The following SGCZ variants were observed in gnomAD, a reference collection of about 807,000 sequenced individuals.
The protein encoded by SGCZ is sarcoglycan zeta, also known as zeta-sarcoglycan.
In SGCZ, 40 loss-of-function variants were observed where a neutral mutation model predicts 41.3. The observed-to-expected ratio is 0.97, with a 90% CI of 0.75 to 1.26. The LOEUF (loss-of-function observed/expected upper bound fraction) is 1.26, where lower values mean the gene tolerates loss of function less well. Among genes scored for constraint, SGCZ ranks in the 50% most tolerant of loss-of-function variants. The pLI is 0.00. For synonymous variants in SGCZ, 206 were observed against 137.5 expected (o/e 1.50, Z -3.49); for missense variants, 552 against 369.8 (o/e 1.49, Z -4.04).
chr8:14,653,740 G>A (rs545296490), intron 1 of SGCZ, among the ~76,000 whole-genome samples: 89 of 151,996 alleles, frequency 5.9e-4, no homozygotes, highest in African/African-American at 2.0e-3. Flanking sequence ...GTTTTCAAAC[G>A]CAATGCCATT....
intron 1 of SGCZ, among the ~76,000 whole-genome samples, chr8:14,713,334 T>C (rs35730989): frequency 0.35 from 53,750 of 152,014 alleles, 11,110 homozygotes; most frequent in African/African-American, 0.57. Context: ...AGTACAATGT[T>C]ACAGTGTTAC....
intron 1 of SGCZ, among the ~76,000 whole-genome samples, chr8:14,556,114 C>A (rs1174670026): frequency 6.6e-6 from 1 of 151,662 alleles, no homozygotes; most frequent in Non-Finnish European, 1.5e-5. Flanking sequence ...AAGAGTAAAA[C>A]AATATGAATA....
At chr8:15,085,411 C>G (rs1229117249) in intron 1 of SGCZ, among the ~76,000 whole-genome samples, 1 of 152,124 alleles carries the variant, frequency 6.6e-6, no homozygotes, top group Non-Finnish European at 1.5e-5. Context: ...CTGCAGTACA[C>G]GATGGGTCCA....
intron 3 of SGCZ, among the ~76,000 whole-genome samples, chr8:14,306,107 A>G (rs964460383): frequency 1.3e-5 from 2 of 152,240 alleles, no homozygotes; most frequent in Admixed American, 6.5e-5. Context: ...GTTTTGGGCA[A>G]AGGTTTTTTG....
intron 1 of SGCZ, among the ~76,000 whole-genome samples, chr8:14,844,129 T>C (rs745664104): frequency 3.9e-5 from 6 of 152,044 alleles, no homozygotes; most frequent in African/African-American, 1.2e-4. Flanking sequence ...TGTACCAAAA[T>C]TCACAAACAC....
intron 4 of SGCZ, among the ~76,000 whole-genome samples, chr8:14,192,247 T>C (rs935160460): frequency 6.6e-6 from 1 of 152,020 alleles, no homozygotes; most frequent in African/African-American, 2.4e-5. Context: ...TACCAAATTT[T>C]TGCATTTGAA....
chr8:15,179,773 T>C (rs1323548015), intron 1 of SGCZ, among the ~76,000 whole-genome samples: 1 of 152,106 alleles, frequency 6.6e-6, no homozygotes, highest in South Asian at 2.1e-4. Flanking sequence ...CATTAGGAAA[T>C]AGAGGCAAAA....
intron 2 of SGCZ, among the ~76,000 whole-genome samples, chr8:14,331,758 A>G (rs1375890891): frequency 1.3e-5 from 2 of 151,846 alleles, no homozygotes; most frequent in African/African-American, 2.4e-5. Flanking sequence ...AGTTTTTAAT[A>G]TACTTTTGTA....
intron 1 of SGCZ, among the ~76,000 whole-genome samples, chr8:14,757,853 A>AAAATGGAAACTACAATTGCATAAGC (rs1227503472): frequency 4.6e-5 from 7 of 152,240 alleles, no homozygotes; most frequent in Non-Finnish European, 8.8e-5. Context: ...TGGTAACTAT[A>AAAATGGAAACTACAATTGCATAAGC]AAATGGAAAC....
rs548197091 is a variant in SGCZ, at chr8:14,755,399, C to A, written c.40-200473G>T. On this transcript the variant is annotated intron_variant, in intron 1 of 7. Transcript: ENST00000382080. ...TAAATCCAAATGAACAATTAAGGAG[C>A]TCTACTAATGGGCTTTTTTAAGTGT... is the stretch of plus-strand genomic sequence containing the variant. 2.0e-5 allele frequency among the ~76,000 whole-genome samples: 3 copies of A among 148,216 alleles called. No individual in the cohort carries two copies. In the South Asian group the frequency reaches 6.6e-4, roughly 33 times the overall value.
chr8:15,137,571 C>G (rs1228383820), intron 1 of SGCZ, among the ~76,000 whole-genome samples: 2 of 152,128 alleles, frequency 1.3e-5, no homozygotes, highest in Non-Finnish European at 2.9e-5. Context: ...GACTTCATAC[C>G]CTGTGTCCCA....
At chr8:14,457,690 G>A (rs184622604) in intron 2 of SGCZ, among the ~76,000 whole-genome samples, 2 of 152,334 alleles carry the variant, frequency 1.3e-5, no homozygotes, top group Admixed American at 6.5e-5. Flanking sequence ...GGGGTAAGCT[G>A]TCTTTCTCTT....
chr8:14,534,868 C>G (rs1408953787), intron 2 of SGCZ, among the ~76,000 whole-genome samples: 1 of 151,948 alleles, frequency 6.6e-6, no homozygotes, highest in Non-Finnish European at 1.5e-5. Flanking sequence ...ACTGTACCAT[C>G]TGATGAATAA....
intron 1 of SGCZ, among the ~76,000 whole-genome samples, chr8:14,638,766 A>C (rs1161634592): frequency 6.6e-6 from 1 of 151,802 alleles, no homozygotes; most frequent in African/African-American, 2.4e-5. Flanking sequence ...AGAGATTGTA[A>C]TGGTTAGCTA....
intron 1 of SGCZ, among the ~76,000 whole-genome samples, chr8:15,000,478 C>A (rs1362971567): frequency 6.6e-6 from 1 of 152,134 alleles, no homozygotes; most frequent in African/African-American, 2.4e-5. Flanking sequence ...AAGTTATTTT[C>A]TAACAAAGAG....
At chr8:14,811,429 CACAAAA>C (rs1212837279) in intron 1 of SGCZ, among the ~76,000 whole-genome samples, 1 of 147,436 alleles carries the variant, frequency 6.8e-6, no homozygotes, top group Non-Finnish European at 1.5e-5. Flanking sequence ...AATAAAACAG[CACAAAA>C]ACAAAAACAA....
chr8:14,599,110 T>C (rs1170167784), intron 1 of SGCZ, among the ~76,000 whole-genome samples: 1 of 152,192 alleles, frequency 6.6e-6, no homozygotes, highest in Non-Finnish European at 1.5e-5. Context: ...AACTGTTTCA[T>C]CAACAACATC....
At chr8:15,043,668 AG>A (rs2130981971) in intron 1 of SGCZ, among the ~76,000 whole-genome samples, 1 of 152,276 alleles carries the variant, frequency 6.6e-6, no homozygotes, top group South Asian at 2.1e-4. Flanking sequence ...TTGTTAAAAA[AG>A]TAATTTCTTA....
chr8:15,124,039 G>T (rs934686695), intron 1 of SGCZ, among the ~76,000 whole-genome samples: 2 of 152,142 alleles, frequency 1.3e-5, no homozygotes, highest in Non-Finnish European at 2.9e-5. Context: ...TACAATTTAT[G>T]CTTGGTAATC....
Sources: allele counts gnomAD v4.1 joint callset (sites outside exome capture counted in the v4.1 genomes callset), GRCh38; gene constraint gnomAD v4.1.1; transcripts MANE v1.5; gene names NCBI Gene and HGNC (gene_info 2026-07-23, HGNC 2026-07-21).